EIF3H: variants seen among roughly 807,000 people sequenced by gnomAD.
EIF3H encodes the protein eukaryotic translation initiation factor 3 subunit H, also known as eIF-3-gamma.
Under a neutral mutation model 44.2 loss-of-function variants are expected in EIF3H, and 26 were observed. That is an observed-to-expected ratio of 0.59 (90% CI 0.43 to 0.82). The LOEUF (loss-of-function observed/expected upper bound fraction) is 0.82. Among genes scored for constraint, EIF3H ranks in the 40% least tolerant of loss-of-function variants. The probability of loss-of-function intolerance (pLI) is 0.00; values close to 1 mark genes in which losing one functional copy is unlikely to be tolerated. For missense variants in EIF3H, 359 were observed against 432.8 expected (o/e 0.83, Z 1.51); for synonymous variants, 166 against 151.9 (o/e 1.09, Z -0.68).
At chr8:116,714,986 G>T (rs150856060) in intron 2 of EIF3H, among the ~76,000 whole-genome samples, 47 of 152,196 alleles carry the variant, frequency 3.1e-4, no homozygotes, top group African/African-American at 9.6e-4. Flanking sequence ...GAAGGAAGGT[G>T]AGATTTGAGG....
intron 2 of EIF3H, among the ~76,000 whole-genome samples, chr8:116,724,634 T>G (rs1425749108): frequency 2.0e-5 from 3 of 151,940 alleles, no homozygotes; most frequent in African/African-American, 7.3e-5. Context: ...AGCAAAGGAC[T>G]TGAATAGACA....
Position 116,660,529 on chromosome 8 carries a change from AT to A in EIF3H, c.290-1550del, listed in dbSNP as rs920324826. On this transcript the variant is annotated intron_variant, in intron 2 of 7. Coordinates refer to ENST00000521861, the MANE Select transcript of EIF3H (RefSeq NM_003756.3). ...ACACAAGAATTGCGTGTTTTTTGAG[AT>A]TTTTTTTTTGCTATGTAGAAAAGCT... Among the ~76,000 whole-genome samples the A allele has an allele frequency of 2.5e-4, 38 of 150,216 alleles. 1 individual carries two copies. Among genetic ancestry groups the A allele is most frequent in the Admixed American group, 1.3e-3 (20 of 15,076 alleles).
chr8:116,763,342 T>G (rs922202810), intron 1 of EIF3H, among the ~76,000 whole-genome samples: 1 of 152,230 alleles, frequency 6.6e-6, no homozygotes, highest in East Asian at 1.9e-4. Flanking sequence ...AAGAGATACA[T>G]AATACATCAT....
chr8:116,749,317 A>C (rs1815289793), intron 1 of EIF3H, among the ~76,000 whole-genome samples: 1 of 152,178 alleles, frequency 6.6e-6, no homozygotes, highest in Non-Finnish European at 1.5e-5. Flanking sequence ...AGCTCAGAGA[A>C]AGGAAGAGAG....
chr8:116,642,647 A>G lies in EIF3H; in HGVS notation c.*2359T>C, dbSNP rs1164897791. 1 of 152,172 alleles carries G rather than the reference A, an allele frequency of 6.6e-6. No individual in the cohort carries two copies. The highest frequency in any genetic ancestry group is 1.5e-5 in the Non-Finnish European group (1 of 68,020). 9.4% of individuals were successfully genotyped at this position (152,172 alleles called of 1,614,324 possible). ...CTGTTCTTGGGTAAGTGAATGATTT[A>G]TTAGACCTGGTGCTCAATTTACGAG... On this transcript the variant is annotated 3_prime_UTR_variant, in exon 8 of 8. Transcript: ENST00000521861.
chr8:116,733,981 G>A (rs1814991139), intron 1 of EIF3H, among the ~76,000 whole-genome samples: 1 of 152,156 alleles, frequency 6.6e-6, no homozygotes, highest in Non-Finnish European at 1.5e-5. Context: ...ATAGAAAACA[G>A]ATGGATAATC....
intron 5 of EIF3H, among the ~76,000 whole-genome samples, chr8:116,650,682 T>C (rs944283757): frequency 2.6e-5 from 4 of 152,212 alleles, no homozygotes; most frequent in African/African-American, 7.2e-5. Context: ...TTTCTTTTTT[T>C]TGAGACAGAG....
At chr8:116,746,313 T>C (rs1815234214) in intron 1 of EIF3H, among the ~76,000 whole-genome samples, 1 of 152,198 alleles carries the variant, frequency 6.6e-6, no homozygotes, top group Non-Finnish European at 1.5e-5. Flanking sequence ...TAACTTCTAT[T>C]TCCTCCATCT....
At chr8:116,679,202 G>GT (rs1813917540) in intron 2 of EIF3H, among the ~76,000 whole-genome samples, 1 of 66,994 alleles carries the variant, frequency 1.5e-5, no homozygotes, top group Non-Finnish European at 3.6e-5. Context: ...CAGCCGCCCC[G>GT]TCCGGGAGGT....
intron 2 of EIF3H, among the ~76,000 whole-genome samples, chr8:116,673,276 A>G (rs1255915374): frequency 6.6e-6 from 1 of 152,010 alleles, no homozygotes; most frequent in Non-Finnish European, 1.5e-5. Flanking sequence ...CAAAATTAAG[A>G]CTCCACCCTA....
intron 2 of EIF3H, among the ~76,000 whole-genome samples, chr8:116,707,235 C>T (rs978229755): frequency 6.6e-6 from 1 of 152,156 alleles, no homozygotes; most frequent in African/African-American, 2.4e-5. Flanking sequence ...AAATATCAGT[C>T]CACATACGTA....
intron 1 of EIF3H, among the ~76,000 whole-genome samples, chr8:116,751,969 A>G (rs1272444726): frequency 6.6e-6 from 1 of 152,130 alleles, no homozygotes; most frequent in Non-Finnish European, 1.5e-5. Flanking sequence ...ACTTCGTTAC[A>G]CTACCTATGT....
At chr8:116,713,988 C>T (rs867496892) in intron 2 of EIF3H, among the ~76,000 whole-genome samples, 8 of 151,854 alleles carry the variant, frequency 5.3e-5, no homozygotes, top group Non-Finnish European at 8.8e-5. Context: ...CCCCGAGGTT[C>T]TATAAACATG....
At chr8:116,758,911 T>C (rs998236113), upstream of EIF3H, among the ~76,000 whole-genome samples, 14 of 152,144 alleles carry the variant, frequency 9.2e-5, no homozygotes, top group African/African-American at 3.4e-4. Flanking sequence ...CTGCCTACAT[T>C]AGAAAAAGGA....
Position 116,659,777 on chromosome 8 carries a change from A to T in EIF3H, c.290-797T>A, listed in dbSNP as rs552158723. 2.6e-5 allele frequency among the ~76,000 whole-genome samples: 4 copies of T among 152,328 alleles called. No individual in the cohort carries two copies. In the South Asian group the frequency reaches 8.3e-4, roughly 32 times the overall value. Reference sequence around the variant, plus strand: ...AGAAAAACAGATTAAAACTAGCAATATAATAAACGACATTTTAAAAAGCAA... The same window carrying T: ...AGAAAAACAGATTAAAACTAGCAATTTAATAAACGACATTTTAAAAAGCAA... On this transcript the variant is annotated intron_variant, in intron 2 of 7. Transcript: ENST00000521861.
At chr8:116,759,709 A>ATG (rs953288501), upstream of EIF3H, among the ~76,000 whole-genome samples, 4 of 151,752 alleles carry the variant, frequency 2.6e-5, no homozygotes, top group South Asian at 2.1e-4. Flanking sequence ...GTGTTTGTGT[A>ATG]TGTGTGTGTG....
intron 1 of EIF3H, among the ~76,000 whole-genome samples, chr8:116,727,552 A>G (rs946433574): frequency 6.6e-6 from 1 of 152,180 alleles, no homozygotes; most frequent in African/African-American, 2.4e-5. Context: ...GTTACCAACT[A>G]TTTTGTAAAC....
chr8:116,761,869 T>C (rs1815522029), intron 1 of EIF3H, among the ~76,000 whole-genome samples: 1 of 152,236 alleles, frequency 6.6e-6, no homozygotes, highest in Non-Finnish European at 1.5e-5. Flanking sequence ...GACAACTGGA[T>C]GACACTAACA....
chr8:116,665,758 T>C (rs928862398), intron 2 of EIF3H, among the ~76,000 whole-genome samples: 1 of 152,248 alleles, frequency 6.6e-6, no homozygotes, highest in Non-Finnish European at 1.5e-5. Context: ...TGTGCCATTA[T>C]TTAACAAGAC....
Sources: gnomAD v4.1 joint callset for allele counts (sites outside exome capture counted in the v4.1 genomes callset) on GRCh38, gnomAD v4.1.1 for gene constraint, MANE v1.5 for transcripts, NCBI Gene and HGNC (gene_info 2026-07-23, HGNC 2026-07-21) for gene names.